The following CNTNAP2 variants were observed in gnomAD, a reference collection of about 807,000 sequenced individuals.
CNTNAP2 encodes the protein contactin associated protein 2, also known as contactin-associated protein-like 2.
CNTNAP2 carries 98 observed loss-of-function variants against 155.2 expected under a neutral mutation model. The observed-to-expected ratio is 0.63, with a 90% CI of 0.54 to 0.75. The LOEUF is 0.75. CNTNAP2 is among the 30% of genes least tolerant of loss of function. The probability of loss-of-function intolerance (pLI) is 0.00; values close to 1 mark genes in which losing one functional copy is unlikely to be tolerated. For synonymous variants in CNTNAP2, 651 were observed against 631.2 expected (o/e 1.03, Z -0.47); for missense variants, 1,727 against 1,688.1 (o/e 1.02, Z -0.40).
chr7:147,560,823 T>G (rs6464824), intron 11 of CNTNAP2, among the ~76,000 whole-genome samples: 102,834 of 144,046 alleles, frequency 0.71, 37,085 homozygotes, highest in African/African-American at 0.81. Flanking sequence ...TGCTGTTGTT[T>G]AAATGACATA....
At chr7:148,038,884 G>T (rs2116474903) in intron 15 of CNTNAP2, among the ~76,000 whole-genome samples, 1 of 151,946 alleles carries the variant, frequency 6.6e-6, no homozygotes, top group East Asian at 1.9e-4. Flanking sequence ...AGATAGATAA[G>T]GAATTTATTA....
chr7:147,506,507 G>A (rs1481179686), intron 11 of CNTNAP2, among the ~76,000 whole-genome samples: 3 of 152,060 alleles, frequency 2.0e-5, no homozygotes, highest in South Asian at 2.1e-4. Context: ...CACCTGCCTC[G>A]GCCTCCCAAA....
chr7:148,237,172 A>G (rs1194388917), intron 20 of CNTNAP2, among the ~76,000 whole-genome samples: 2 of 152,220 alleles, frequency 1.3e-5, no homozygotes, highest in African/African-American at 2.4e-5. Context: ...TAAGATACCA[A>G]TGTATGTATT....
chr7:147,750,995 G>A (rs1206053880), intron 13 of CNTNAP2, among the ~76,000 whole-genome samples: 3 of 151,914 alleles, frequency 2.0e-5, no homozygotes, highest in Non-Finnish European at 2.9e-5. Flanking sequence ...AGCCGAGATC[G>A]CACCACTGCA....
At chr7:146,446,531 T>C (rs1796405023) in intron 1 of CNTNAP2, among the ~76,000 whole-genome samples, 4 of 152,126 alleles carry the variant, frequency 2.6e-5, no homozygotes. Flanking sequence ...CAAATCCCTA[T>C]TATTCTTTGC....
At chr7:148,046,948 T>C (rs532144974) in intron 15 of CNTNAP2, among the ~76,000 whole-genome samples, 5 of 152,302 alleles carry the variant, frequency 3.3e-5, no homozygotes, top group African/African-American at 9.6e-5. Context: ...ATACTAATCA[T>C]CAGATATAAG....
intron 13 of CNTNAP2, among the ~76,000 whole-genome samples, chr7:147,811,802 C>A (rs1045079955): frequency 6.6e-6 from 1 of 152,050 alleles, no homozygotes; most frequent in African/African-American, 2.4e-5. Flanking sequence ...AAAAAAAATT[C>A]TTGATTCTTT....
At chr7:146,507,734 G>A (rs1797406243) in intron 1 of CNTNAP2, among the ~76,000 whole-genome samples, 2 of 152,180 alleles carry the variant, frequency 1.3e-5, no homozygotes, top group African/African-American at 2.4e-5. Flanking sequence ...GTTGCTGTAG[G>A]AGGGGTGCCG....
At chr7:148,102,664 TGTAGAAGGAA>T (rs1415530468) in intron 15 of CNTNAP2, among the ~76,000 whole-genome samples, 1 of 152,218 alleles carries the variant, frequency 6.6e-6, no homozygotes, top group Non-Finnish European at 1.5e-5. Context: ...GCTCAATAAA[TGTAGAAGGAA>T]GTGCCGCCAT....
Position 146,864,132 on chromosome 7 carries a change from G to A in CNTNAP2, c.402+24228G>A, listed in dbSNP as rs114801657. ...TTCTCTTTAATAATGTAGAGCATTA[G>A]CATATTTACCAAGACATAAAAATTA... On this transcript the variant is annotated intron_variant, in intron 3 of 23. Transcript: ENST00000361727. Among the ~76,000 whole-genome samples the A allele has an allele frequency of 7.3e-3, 1,114 of 151,908 alleles. 13 individuals carry two copies. Among genetic ancestry groups the A allele is most frequent in the African/African-American group, 0.025 (1,041 of 41,464 alleles).
intron 13 of CNTNAP2, among the ~76,000 whole-genome samples, chr7:147,783,849 T>A (rs1797693699): frequency 6.6e-6 from 1 of 152,122 alleles, no homozygotes; most frequent in African/African-American, 2.4e-5. Context: ...GACACTGAAT[T>A]TACTAGCAGC....
intron 1 of CNTNAP2, among the ~76,000 whole-genome samples, chr7:146,622,969 G>A (rs1471125874): frequency 3.7e-5 from 5 of 135,676 alleles, no homozygotes; most frequent in Admixed American, 1.4e-4. Context: ...AAAAAAAAAA[G>A]AAAAAAGAAA....
intron 1 of CNTNAP2, among the ~76,000 whole-genome samples, chr7:146,119,246 G>A (rs1277122551): frequency 1.3e-5 from 2 of 152,162 alleles, no homozygotes; most frequent in East Asian, 3.9e-4. Context: ...TTTTTAAAAT[G>A]TGATGAGTAT....
chr7:147,490,901 C>T (rs865962254), intron 11 of CNTNAP2, among the ~76,000 whole-genome samples: 2 of 152,068 alleles, frequency 1.3e-5, no homozygotes, highest in South Asian at 2.1e-4. Flanking sequence ...GAATTGCAAG[C>T]GAAGGGGGAA....
At chr7:146,819,449 T>A (rs1224503852) in intron 2 of CNTNAP2, among the ~76,000 whole-genome samples, 1 of 152,088 alleles carries the variant, frequency 6.6e-6, no homozygotes, top group Non-Finnish European at 1.5e-5. Flanking sequence ...TGCCACACAC[T>A]CTCACAGTTT....
chr7:146,924,899 G>C (rs1045243785), intron 3 of CNTNAP2, among the ~76,000 whole-genome samples: 4 of 152,024 alleles, frequency 2.6e-5, no homozygotes, highest in African/African-American at 9.6e-5. Context: ...GAAAATATTG[G>C]CATGCCAAGA....
intron 13 of CNTNAP2, among the ~76,000 whole-genome samples, chr7:147,787,562 G>T (rs1378239337): frequency 6.6e-6 from 1 of 152,164 alleles, no homozygotes; most frequent in African/African-American, 2.4e-5. Flanking sequence ...ATAGCCTAGA[G>T]CTGTACTTTA....
intron 2 of CNTNAP2, among the ~76,000 whole-genome samples, chr7:146,802,207 G>A (rs774406047): frequency 3.3e-5 from 5 of 152,106 alleles, no homozygotes; most frequent in African/African-American, 4.8e-5. Flanking sequence ...GTGTTGGCCG[G>A]ACTAAGGTAC....
chr7:147,901,846 G>T (rs1799874082), intron 13 of CNTNAP2, among the ~76,000 whole-genome samples: 1 of 152,216 alleles, frequency 6.6e-6, no homozygotes, highest in South Asian at 2.1e-4. Context: ...CCCAGTGGAT[G>T]TTTGATGATT....
Sources: gnomAD v4.1 joint callset for allele counts (sites outside exome capture counted in the v4.1 genomes callset) on GRCh38, gnomAD v4.1.1 for gene constraint, MANE v1.5 for transcripts, NCBI Gene and HGNC (gene_info 2026-07-23, HGNC 2026-07-21) for gene names.